Variants in PKP4 observed in about 807,000 individuals in gnomAD.
PKP4 encodes the protein plakophilin 4.
In PKP4, 90 loss-of-function variants were observed where a neutral mutation model predicts 145.1. The observed-to-expected ratio is 0.62, with a 90% CI of 0.52 to 0.74. The LOEUF is 0.74. PKP4 is among the 30% of genes least tolerant of loss of function. The pLI is 0.00. For missense variants in PKP4, 1,340 were observed against 1,482.7 expected, an observed-to-expected ratio of 0.90 and a Z score of 1.58; for synonymous variants, 563 against 577.2, an observed-to-expected ratio of 0.98 and a Z score of 0.35.
chr2:158,530,732 G>A (rs1474707949), intron 1 of PKP4, among the ~76,000 whole-genome samples: 1 of 151,994 alleles, frequency 6.6e-6, no homozygotes, highest in Non-Finnish European at 1.5e-5. Flanking sequence ...GAGATAAGGG[G>A]TAGGGAAGTG....
chr2:158,628,155 ATT>A (rs774696950), intron 7 of PKP4, among the ~76,000 whole-genome samples: 358 of 151,620 alleles, frequency 2.4e-3, no homozygotes, highest in Non-Finnish European at 4.1e-3. Flanking sequence ...TAATTTTTGT[ATT>A]TTTAGTAGAG....
Position 158,531,039 on chromosome 2 carries a change from A to G in PKP4, c.-5-2141A>G, listed in dbSNP as rs559465913. ...TAGGTGATGAGCCCCCTAATGGTCA[A>G]TGTCCCTGGGAGAGTGGTACTCAGA... On this transcript the variant is annotated intron_variant, in intron 1 of 21. Coordinates refer to ENST00000389759, the MANE Select transcript of PKP4 (RefSeq NM_003628.6). Among the ~76,000 whole-genome samples the G allele has an allele frequency of 2.0e-3, 310 of 152,228 alleles. 1 individual carries two copies. Among genetic ancestry groups the G allele is most frequent in the Non-Finnish European group, 3.1e-3 (212 of 68,008 alleles).
intron 9 of PKP4, among the ~76,000 whole-genome samples, chr2:158,639,045 T>C (rs188543064): frequency 6.6e-6 from 1 of 152,336 alleles, no homozygotes; most frequent in East Asian, 1.9e-4. Context: ...CCTCTATCAC[T>C]AATTACTAAT....
intron 2 of PKP4, among the ~76,000 whole-genome samples, chr2:158,554,358 A>G (rs942928868): frequency 1.3e-5 from 2 of 151,906 alleles, no homozygotes; most frequent in African/African-American, 4.8e-5. Context: ...TAGACATTAT[A>G]TTCTTAGGCC....
At chr2:158,567,488 G>C (rs983319588) in intron 2 of PKP4, among the ~76,000 whole-genome samples, 1 of 152,206 alleles carries the variant, frequency 6.6e-6, no homozygotes, top group Non-Finnish European at 1.5e-5. Context: ...GTGCGCAGTG[G>C]TTAACCCATG....
chr2:158,569,807 A>C (rs1470153358), intron 2 of PKP4, among the ~76,000 whole-genome samples: 1 of 152,156 alleles, frequency 6.6e-6, no homozygotes, highest in African/African-American at 2.4e-5. Context: ...CTACTGGTAG[A>C]CTTCTCAGAA....
At chr2:158,669,071 CATT>C (rs1349686480) in intron 16 of PKP4, 3 of 152,178 alleles carry the variant, frequency 2.0e-5, no homozygotes, top group South Asian at 2.1e-4. Context: ...GCAAGAATTT[CATT>C]ATTATTGCAT....
At chr2:158,464,491 G>A (rs1690279829) in intron 1 of PKP4, among the ~76,000 whole-genome samples, 1 of 152,168 alleles carries the variant, frequency 6.6e-6, no homozygotes, top group African/African-American at 2.4e-5. Flanking sequence ...TAGAACTCTA[G>A]TATGTATTTA....
At chr2:158,679,047 G>A (rs1235471340) in intron 21 of PKP4, 10 of 180,518 alleles carry the variant, frequency 5.5e-5, no homozygotes, top group Admixed American at 2.8e-4. Flanking sequence ...TGTATACCTC[G>A]TTCTCCATCT....
chr2:158,464,474 A>G (rs1573922305), intron 1 of PKP4, among the ~76,000 whole-genome samples: 1 of 152,342 alleles, frequency 6.6e-6, no homozygotes, highest in South Asian at 2.1e-4. Flanking sequence ...GAGAAAAAAA[A>G]TCCGTATAGA....
chr2:158,663,249 A>G lies in PKP4; in HGVS notation c.2404-23A>G, dbSNP rs1355511001. 7.5e-6 allele frequency: 12 copies of G among 1,606,886 alleles called. 1 individual carries two copies. The South Asian group carries it at 1.2e-4, about 16-fold the overall frequency. On this transcript the variant is annotated intron_variant, in intron 14 of 21. Coordinates refer to ENST00000389759, the MANE Select transcript of PKP4 (RefSeq NM_003628.6). The stretch of plus-strand genomic sequence containing the variant: ...GATCATGTTCATTCTGCCTCCATTT[A>G]ACGTGTGCTGTTTGTCTTTCAGTGG...
intron 2 of PKP4, among the ~76,000 whole-genome samples, chr2:158,536,556 T>C (rs1022444126): frequency 1.3e-5 from 2 of 152,166 alleles, no homozygotes; most frequent in Non-Finnish European, 2.9e-5. Context: ...TAACAAACCG[T>C]TAGTCTATTA....
At position 158,620,537 on chromosome 2, in the gene PKP4, T is replaced by C. The variant is rs181108083; in HGVS notation, c.281-453T>C. On this transcript the variant is annotated intron_variant, in intron 4 of 21. Transcript: ENST00000389759. Reference sequence around the variant, plus strand: ...TCCTTTGACTGTAAGTGACATGAAATATAACATAAAATGTGCTCTACCTTC... The same window carrying C: ...TCCTTTGACTGTAAGTGACATGAAACATAACATAAAATGTGCTCTACCTTC... Among the ~76,000 whole-genome samples, 44 of 152,294 alleles carry C rather than the reference T, an allele frequency of 2.9e-4. No homozygotes were observed. The East Asian group carries it at 6.0e-3, about 21-fold the overall frequency.
chr2:158,621,700 C>T (rs1200028062), intron 6 of PKP4, among the ~76,000 whole-genome samples: 26 of 150,184 alleles, frequency 1.7e-4, no homozygotes, highest in Non-Finnish European at 3.4e-4. Flanking sequence ...GAGCCGAGAT[C>T]GCACCACTGC....
At chr2:158,654,486 A>G (rs1462137785) in intron 11 of PKP4, among the ~76,000 whole-genome samples, 1 of 152,132 alleles carries the variant, frequency 6.6e-6, no homozygotes, top group African/African-American at 2.4e-5. Flanking sequence ...ACAACTTTAT[A>G]TTTTATAATT....
At chr2:158,674,102 C>T (rs1558997305) in intron 19 of PKP4, 102 bp downstream of exon 19, 1 of 773,910 alleles carries the variant, frequency 1.3e-6, no homozygotes, top group Non-Finnish European at 2.4e-6. Context: ...CCTGTCATCT[C>T]CAACACTACC....
chr2:158,569,249 A>C (rs1230866824), intron 2 of PKP4, among the ~76,000 whole-genome samples: 2 of 152,198 alleles, frequency 1.3e-5, no homozygotes, highest in Admixed American at 1.3e-4. Flanking sequence ...TGTCAACTAG[A>C]ACTTGGTTTA....
chr2:158,528,405 C>T (rs2043160585), intron 1 of PKP4, among the ~76,000 whole-genome samples: 1 of 99,838 alleles, frequency 1.0e-5, no homozygotes, highest in African/African-American at 3.7e-5. Flanking sequence ...CCAAACACCA[C>T]ATATTCTCAG....
chr2:158,538,058 C>T (rs1012568228), intron 2 of PKP4, among the ~76,000 whole-genome samples: 6 of 152,000 alleles, frequency 3.9e-5, no homozygotes, highest in African/African-American at 1.4e-4. Flanking sequence ...AAGGATCCTG[C>T]CTCTTCCTGT....
Sources: allele counts gnomAD v4.1 joint callset (sites outside exome capture counted in the v4.1 genomes callset), GRCh38; gene constraint gnomAD v4.1.1; transcripts MANE v1.5; gene names NCBI Gene and HGNC (gene_info 2026-07-23, HGNC 2026-07-21).